REPIN1: variants seen among roughly 807,000 people sequenced by gnomAD.
REPIN1 encodes the protein DNA-binding protein REPIN1.
Under a neutral mutation model 5.7 loss-of-function variants are expected in REPIN1, and 4 were observed. The ratio of observed to expected loss-of-function variants is 0.71; its 90% confidence interval spans 0.35 to 1.62. The LOEUF is 1.62. Ranked by LOEUF, REPIN1 falls within the 40% of genes most tolerant of loss-of-function variation. The pLI is 0.05. For synonymous variants in REPIN1, 410 were observed against 386.2 expected (o/e 1.06, Z -0.72); for missense variants, 854 against 901.0 (o/e 0.95, Z 0.67).
chr7:150,372,159 C>T lies in REPIN1; in HGVS notation c.1089C>T (p.Asn363=). ...ECGRRFRHKP[N]LLSHSKIHKR... ...GCCGCCGCTTCCGGCACAAACCCAA[C>T]CTGCTGTCTCACAGCAAGATTCACA... Residue 363 remains asparagine (N), a synonymous_variant, in exon 3 of 3, where the codon AAC becomes AAT. Transcript: ENST00000489432. 3 of 1,609,324 alleles carry T rather than the reference C, an allele frequency of 1.9e-6. No individual in the cohort carries two copies. Among genetic ancestry groups the T allele is most frequent in the Non-Finnish European group, 2.5e-6 (3 of 1,178,748 alleles).
intron 2 of REPIN1, chr7:150,370,216 G>A (rs1317556777): frequency 1.1e-5 from 3 of 275,060 alleles, no homozygotes; most frequent in Non-Finnish European, 2.1e-5. Flanking sequence ...GGGCAGGACC[G>A]GGCAGGGGAC....
At position 150,373,165 on chromosome 7, in the gene REPIN1, A is replaced by C. The variant is rs1800068969; in HGVS notation, c.*220A>C. 1 of 659,306 alleles carries C rather than the reference A, an allele frequency of 1.5e-6. No individual in the cohort carries two copies. Among genetic ancestry groups the C allele is most frequent in the Non-Finnish European group, 2.6e-6 (1 of 381,244 alleles). 40.8% of individuals were successfully genotyped at this position (659,306 alleles called of 1,614,324 possible). A position where few individuals can be genotyped will look rare whatever the true frequency, so the allele number is the denominator to read the frequency against. On this transcript the variant is annotated 3_prime_UTR_variant, in exon 3 of 3. Transcript: ENST00000489432. ...TCCAAGCGCAGGGACGCCGGCCTCC[A>C]GCTGGTGTGTGCTAAGGCTCCGTCC...
rs200754962 is a variant in REPIN1 at position 150,372,795 on chromosome 7, C to T, written c.1725C>T (p.Pro575=). Reference sequence around the variant, plus strand: ...CGGGCGAGCGGCCCTACGCCTGTCCCGACTGCGACCGCAGCTTCAGCCAGA... The same window carrying T: ...CGGGCGAGCGGCCCTACGCCTGTCCTGACTGCGACCGCAGCTTCAGCCAGA... The part of the protein sequence containing the change: ...IHTGERPYAC[P]DCDRSFSQKS... Residue 575 remains proline, a synonymous_variant, in exon 3 of 3, where the codon CCC becomes CCT. Transcript: ENST00000489432. The T allele has an allele frequency of 4.3e-5, 69 of 1,612,174 alleles. No homozygotes were observed. In the African/African-American group the frequency reaches 7.2e-4, roughly 17 times the overall value.
Position 150,369,777 on chromosome 7 carries a change from C to T in REPIN1, c.66C>T (p.Gly22=). The part of the protein sequence containing the change: ...SLTPGGYRSV[G]RSRRCSRGSI... ...CACCTGGGGGCTACCGGAGTGTGGG[C>T]CGAAGCAGGCGCTGCAGCCGCGGAA... is the stretch of plus-strand genomic sequence containing the variant. Residue 22 remains glycine (G), a synonymous_variant, in exon 2 of 3, where the codon GGC becomes GGT. Transcript: ENST00000489432. 6.2e-7 allele frequency: 1 copy of T among 1,613,842 alleles called. No individual in the cohort carries two copies. The highest frequency in any genetic ancestry group is 8.5e-7 in the Non-Finnish European group (1 of 1,179,776).
Position 150,368,923 on chromosome 7 carries a change from T to C in REPIN1, c.-60T>C. The C allele has an allele frequency of 2.9e-6, 1 of 345,968 alleles. No individual in the cohort carries two copies. 21.4% of individuals were successfully genotyped at this position (345,968 alleles called of 1,614,324 possible). ...GCTCCATGGACGGGCGCCGCGTCCC[T>C]GCACAGCCCGCCGCAGAGGTACGGC... On this transcript the variant is annotated 5_prime_UTR_variant, in exon 1 of 3. Coordinates refer to ENST00000489432, the MANE Select transcript of REPIN1 (RefSeq NM_001099695.2).
At chr7:150,369,519 T>A (rs1197028315) in intron 1 of REPIN1, 152 bp from the exon 2 acceptor site, 4 of 648,672 alleles carry the variant, frequency 6.2e-6, no homozygotes, top group Non-Finnish European at 1.1e-5. Context: ...TAATCCAATG[T>A]CCATTAAGGT....
Position 150,372,275 on chromosome 7 carries a change from C to T in REPIN1, c.1205C>T (p.Pro402Leu), listed in dbSNP as rs1426786877. 1 of 1,518,788 alleles carries T rather than the reference C, an allele frequency of 6.6e-7. No individual in the cohort carries two copies. The highest frequency in any genetic ancestry group is 8.8e-7 in the Non-Finnish European group (1 of 1,140,424). The allele number at this position is 1,518,788 out of a possible 1,614,324, so 94.1% of individuals were successfully genotyped here. A position where few individuals can be genotyped will look rare whatever the true frequency, so the allele number is the denominator to read the frequency against. ...GPQESAAEPT[P>L]AVPLKPAQEP... ...CAGGAGTCCGCGGCCGAGCCCACCC[C>T]GGCGGTACCTCTGAAACCGGCCCAG... The change falls in exon 3 of 3, where the codon CCG (proline) becomes CTG (leucine). Residue 402 changes from proline (P) to leucine (L), a missense_variant. This residue lies in a region of REPIN1 where 327 missense variants were observed against 307.8 expected (regional missense o/e 1.06). Transcript: ENST00000489432.
chr7:150,369,542 C>T, intron 1 of REPIN1, 129 bp from the exon 2 acceptor site: 1 of 755,156 alleles, frequency 1.3e-6, no homozygotes, highest in South Asian at 1.5e-5. Context: ...CTCTGCCAGG[C>T]AGGATGTGGG....
chr7:150,369,748 C>G lies in REPIN1; in HGVS notation c.37C>G (p.Leu13Val). 6.8e-6 allele frequency: 11 copies of G among 1,613,974 alleles called. No homozygotes were observed. The highest frequency in any genetic ancestry group is 9.3e-6 in the Non-Finnish European group (11 of 1,179,860). ...IGVSLLLQFS[L>V]TPGGYRSVGR... The stretch of plus-strand genomic sequence containing the variant: ...GGTGTCTTTATTACTGCAGTTTTCT[C>G]TAACACCTGGGGGCTACCGGAGTGT... Residue 13 changes from leucine to valine, a missense_variant, in exon 2 of 3, where the codon CTA becomes GTA. Transcript: ENST00000489432.
Position 150,371,308 on chromosome 7 carries a change from C to A in REPIN1, c.238C>A (p.Pro80Thr), listed in dbSNP as rs1799696154. ...GLAQPRLLSG[P>T]SQESPQTLGK... is the part of the protein sequence containing the mutation. ...GGCCCAGCCCCGACTCCTTTCTGGG[C>A]CCTCCCAGGAGTCACCCCAGACCCT... The change falls in exon 3 of 3, where the codon CCC becomes ACC. Residue 80 changes from proline to threonine, a missense_variant. Pro to Thr is a conservative substitution (Grantham distance 38, BLOSUM62 -1). Transcript: ENST00000489432. The A allele has an allele frequency of 1.3e-6, 2 of 1,587,308 alleles. No homozygotes were observed. Among genetic ancestry groups the A allele is most frequent in the Non-Finnish European group, 1.7e-6 (2 of 1,167,816 alleles).
In REPIN1 at chr7:150,372,249, C is replaced by G; in HGVS notation, c.1179C>G (p.Pro393=). The G allele has an allele frequency of 6.5e-7, 1 of 1,536,186 alleles. No individual in the cohort carries two copies. Among genetic ancestry groups the G allele is most frequent in the Non-Finnish European group, 8.7e-7 (1 of 1,147,272 alleles). The part of the protein sequence containing the change: ...GPGSPQLPAG[P]QESAAEPTPA... The stretch of plus-strand genomic sequence containing the variant: ...GGAGCCCCCAGCTGCCAGCCGGCCC[C>G]CAGGAGTCCGCGGCCGAGCCCACCC... The change falls in exon 3 of 3, where the codon CCC becomes CCG. Residue 393 remains proline (P), a synonymous_variant. Coordinates refer to ENST00000489432, the MANE Select transcript of REPIN1 (RefSeq NM_001099695.2).
intron 1 of REPIN1, chr7:150,369,377 G>T: frequency 2.4e-6 from 1 of 420,196 alleles, no homozygotes; most frequent in Non-Finnish European, 4.5e-6. Flanking sequence ...GCCATAGGCC[G>T]GCCTTTGGCC....
upstream of REPIN1, among the ~76,000 whole-genome samples, chr7:150,368,628 G>A (rs540104441): frequency 7.2e-5 from 11 of 152,086 alleles, no homozygotes; most frequent in South Asian, 1.7e-3. Flanking sequence ...CCGACCCTCC[G>A]AGGCCTGCCG....
At chr7:150,369,418 ATGGAGAAT>A in intron 1 of REPIN1, 5 of 476,140 alleles carry the variant, frequency 1.1e-5, no homozygotes, top group Non-Finnish European at 1.9e-5. Flanking sequence ...TGGCCACAGA[ATGGAGAAT>A]TCGTTCCGTG....
Position 150,372,212 on chromosome 7 carries a change from C to T in REPIN1, c.1142C>T (p.Ala381Val), listed in dbSNP as rs772968551. 7.6e-6 allele frequency: 12 copies of T among 1,583,980 alleles called. No homozygotes were observed. In the African/African-American group the frequency reaches 1.1e-4, roughly 14 times the overall value. Residue 381 changes from alanine to valine, a missense_variant, in exon 3 of 3, where the codon GCC becomes GTC. Transcript: ENST00000489432. The part of the protein sequence containing the change: ...HKRSEGSAQA[A>V]PGPGSPQLPA... Reference sequence around the variant, plus strand: ...CGATCCGAGGGGTCGGCCCAGGCCGCCCCCGGCCCGGGGAGCCCCCAGCTG... The same window carrying T: ...CGATCCGAGGGGTCGGCCCAGGCCGTCCCCGGCCCGGGGAGCCCCCAGCTG...
Position 150,373,764 on chromosome 7 carries a change from G to A in REPIN1, c.*819G>A. On this transcript the variant is annotated 3_prime_UTR_variant, in exon 3 of 3. Coordinates refer to ENST00000489432, the MANE Select transcript of REPIN1 (RefSeq NM_001099695.2). The stretch of plus-strand genomic sequence containing the variant: ...CATTGGTGATGGAGGGCCAGCTGAG[G>A]GGAAGTTGCTGGTGAGTTTCCTTTT... 1 of 167,116 alleles carries A rather than the reference G, an allele frequency of 6.0e-6. No individual in the cohort carries two copies. The highest frequency in any genetic ancestry group is 1.5e-5 in the Non-Finnish European group (1 of 68,138). The allele number at this position is 167,116 out of a possible 1,614,324, so 10.4% of individuals were successfully genotyped here.
chr7:150,369,734 T>G lies in REPIN1; in HGVS notation c.23T>G (p.Leu8Ter). 7 of 1,613,952 alleles carry G rather than the reference T, an allele frequency of 4.3e-6. No individual in the cohort carries two copies. The highest frequency in any genetic ancestry group is 5.9e-6 in the Non-Finnish European group (7 of 1,179,862). The part of the protein sequence containing the change: MGIGVSL[L>*]LQFSLTPGGY... Reference sequence around the variant, plus strand: ...GCCATGGGGATAGGGGTGTCTTTATTACTGCAGTTTTCTCTAACACCTGGG... The same window carrying G: ...GCCATGGGGATAGGGGTGTCTTTATGACTGCAGTTTTCTCTAACACCTGGG... The change falls in exon 2 of 3, where the codon TTA (leucine) becomes TGA (stop). Residue 8 changes from leucine to a stop codon, truncating the protein, a stop_gained. Coordinates refer to ENST00000489432, the MANE Select transcript of REPIN1 (RefSeq NM_001099695.2). LOFTEE classifies it high-confidence loss of function.
chr7:150,369,262 G>A, intron 1 of REPIN1: 1 of 387,842 alleles, frequency 2.6e-6, no homozygotes, highest in Non-Finnish European at 4.7e-6. Context: ...TGACGGAGTC[G>A]TGGTCACACC....
Position 150,371,753 on chromosome 7 carries a change from C to T in REPIN1, c.683C>T (p.Ala228Val). The part of the protein sequence containing the change: ...RAHLRRCHPP[A>V]PEARPFICGN... The stretch of plus-strand genomic sequence containing the variant: ...CATCTGCGGCGGTGCCACCCTCCCG[C>T]CCCGGAGGCCCGGCCCTTCATATGC... Residue 228 changes from alanine (A) to valine (V), a missense_variant, in exon 3 of 3, where the codon GCC (alanine) becomes GTC (valine). Transcript: ENST00000489432. 8.1e-6 allele frequency: 13 copies of T among 1,610,694 alleles called. No homozygotes were observed. The highest frequency in any genetic ancestry group is 1.1e-5 in the Non-Finnish European group (13 of 1,179,800).
Sources: allele counts gnomAD v4.1 joint callset (sites outside exome capture counted in the v4.1 genomes callset), GRCh38; gene constraint gnomAD v4.1.1; regional missense constraint gnomAD v4.1.1; transcripts MANE v1.5; gene names NCBI Gene and HGNC (gene_info 2026-07-23, HGNC 2026-07-21).